TMPRSS15: variants seen among roughly 807,000 people sequenced by gnomAD.
TMPRSS15 encodes enteropeptidase.
TMPRSS15 carries 128 observed loss-of-function variants against 125.3 expected under a neutral mutation model. The ratio of observed to expected loss-of-function variants is 1.02; its 90% confidence interval spans 0.89 to 1.18. The LOEUF (loss-of-function observed/expected upper bound fraction) is 1.18. Among genes scored for constraint, TMPRSS15 ranks in the 50% most tolerant of loss-of-function variants. The pLI is 0.00. For synonymous variants in TMPRSS15, 446 were observed against 423.2 expected (o/e 1.05, Z -0.66); for missense variants, 1,283 against 1,212.7 (o/e 1.06, Z -0.86).
At position 18,448,590 on chromosome 21, in the gene TMPRSS15, T is replaced by A. The variant is rs1027592036; in HGVS notation, c.10+37209A>T. ...TTTCCTTTTATTTAGTTGGATTTTT[T>A]AAAATAGAAATATTCTAAGCACAGA... On this transcript the variant is annotated intron_variant, in intron 1 of 7. Coordinates refer to the TMPRSS15 transcript ENST00000422787. 2.0e-5 allele frequency among the ~76,000 whole-genome samples: 3 copies of A among 152,162 alleles called. No individual in the cohort carries two copies. In the South Asian group the frequency reaches 6.2e-4, roughly 32 times the overall value.
chr21:18,294,284 T>G lies in TMPRSS15; in HGVS notation c.2472A>C (p.Ala824=), dbSNP rs773278092. The G allele has an allele frequency of 6.2e-7, 1 of 1,614,160 alleles. No homozygotes were observed. Among genetic ancestry groups the G allele is most frequent in the Non-Finnish European group, 8.5e-7 (1 of 1,180,046 alleles). ...ATCACACTCACCCATACACGCAGTG[T>G]GCGGCGGACACCAGCCAGTCACTGC... is the stretch of plus-strand genomic sequence containing the variant. ...LVSSDWLVSA[A]HCVYGRNLEP... is the part of the protein sequence containing the mutation. Residue 824 remains alanine (A), a synonymous_variant, in exon 21 of 25, where the codon GCA becomes GCC. Transcript: ENST00000284885.
At chr21:18,344,163 T>C in intron 10 of TMPRSS15, 103 bp from the exon 11 acceptor site, 1 of 965,284 alleles carries the variant, frequency 1.0e-6, no homozygotes, top group Non-Finnish European at 1.6e-6. Context: ...AGAAGAAAGG[T>C]TAAGGAAATA....
intron 18 of TMPRSS15, 52 bp from the exon 19 acceptor site, chr21:18,297,881 A>T (rs2074925331): frequency 2.9e-6 from 4 of 1,394,592 alleles, no homozygotes; most frequent in Non-Finnish European, 4.1e-6. Flanking sequence ...TAAAGAAAAG[A>T]CCATAAGTTA....
At chr21:18,452,242 T>C (rs912439788) in intron 1 of TMPRSS15, among the ~76,000 whole-genome samples, 3 of 152,196 alleles carry the variant, frequency 2.0e-5, no homozygotes, top group Non-Finnish European at 4.4e-5. Flanking sequence ...TATAATTTCA[T>C]AAGCATGGTT....
At chr21:18,481,942 T>C (rs1601478587) in intron 1 of TMPRSS15, among the ~76,000 whole-genome samples, 1 of 151,804 alleles carries the variant, frequency 6.6e-6, no homozygotes, top group South Asian at 2.1e-4. Context: ...AATATTTGTT[T>C]CATAGATTCA....
At chr21:18,295,917 C>T (rs748030063) in intron 19 of TMPRSS15, among the ~76,000 whole-genome samples, 2 of 152,100 alleles carry the variant, frequency 1.3e-5, no homozygotes, top group African/African-American at 4.8e-5. Context: ...CTTTGGGAGG[C>T]GGAGGCGGGC....
At chr21:18,321,566 A>T (rs1278051688) in intron 16 of TMPRSS15, among the ~76,000 whole-genome samples, 2 of 151,998 alleles carry the variant, frequency 1.3e-5, no homozygotes, top group Non-Finnish European at 2.9e-5. Flanking sequence ...GTTAGCCAGG[A>T]TGGTCTCAAT....
intron 18 of TMPRSS15, among the ~76,000 whole-genome samples, chr21:18,301,220 T>A (rs2074968975): frequency 6.6e-6 from 1 of 152,200 alleles, no homozygotes; most frequent in South Asian, 2.1e-4. Flanking sequence ...GTTCTACATG[T>A]TAAATTTGGG....
At chr21:18,364,953 C>T (rs550551540) in intron 7 of TMPRSS15, among the ~76,000 whole-genome samples, 187 bp downstream of exon 7, 2 of 152,292 alleles carry the variant, frequency 1.3e-5, no homozygotes, top group Middle Eastern at 3.4e-3. Context: ...TTGTTCATAG[C>T]ACAGAATAGC....
chr21:18,294,543 ACT>A, intron 20 of TMPRSS15, 58 bp downstream of exon 20: 1 of 1,603,190 alleles, frequency 6.2e-7, no homozygotes, highest in African/African-American at 1.3e-5. Context: ...GTGACATAAA[ACT>A]CTATTCAGAA....
intron 10 of TMPRSS15, among the ~76,000 whole-genome samples, chr21:18,344,733 G>C (rs867732942): frequency 9.2e-5 from 14 of 152,314 alleles, no homozygotes; most frequent in Middle Eastern, 6.8e-3. Flanking sequence ...TGAAGTTTGT[G>C]AAGGGTTGTT....
At chr21:18,281,959 T>C (rs775161508) in intron 21 of TMPRSS15, among the ~76,000 whole-genome samples, 1 of 151,102 alleles carries the variant, frequency 6.6e-6, no homozygotes, top group Non-Finnish European at 1.5e-5. Flanking sequence ...CAGCCGGGCG[T>C]GGTGGTGGGC....
intron 7 of TMPRSS15, among the ~76,000 whole-genome samples, chr21:18,361,512 C>G (rs1338649567): frequency 6.6e-6 from 1 of 152,078 alleles, no homozygotes; most frequent in Non-Finnish European, 1.5e-5. Context: ...ATGGAGGATA[C>G]TGAGTGAACA....
At chr21:18,386,173 T>C (rs941975851) in intron 3 of TMPRSS15, among the ~76,000 whole-genome samples, 2 of 152,210 alleles carry the variant, frequency 1.3e-5, no homozygotes, top group Admixed American at 6.5e-5. Context: ...ACTCTATTTT[T>C]GAAGCTGAAT....
At chr21:18,456,484 TCAATTGAACTA>T (rs1978443541) in intron 1 of TMPRSS15, among the ~76,000 whole-genome samples, 1 of 152,114 alleles carries the variant, frequency 6.6e-6, no homozygotes. Flanking sequence ...TCAGGACATT[TCAATTGAACTA>T]CAAGTTTTAG....
At chr21:18,304,983 A>G (rs2075015009) in intron 18 of TMPRSS15, among the ~76,000 whole-genome samples, 1 of 152,082 alleles carries the variant, frequency 6.6e-6, no homozygotes, top group African/African-American at 2.4e-5. Context: ...AGATTCTCCA[A>G]ATTAAGTTTC....
chr21:18,435,864 G>T (rs1444470428), intron 1 of TMPRSS15, among the ~76,000 whole-genome samples: 1 of 152,170 alleles, frequency 6.6e-6, no homozygotes, highest in East Asian at 1.9e-4. Context: ...TCTTGGGAGA[G>T]TGTATGTGTC....
At chr21:18,392,769 G>A (rs1359201985) in intron 3 of TMPRSS15, among the ~76,000 whole-genome samples, 1 of 152,166 alleles carries the variant, frequency 6.6e-6, no homozygotes, top group Non-Finnish European at 1.5e-5. Flanking sequence ...GAGGCCTCAG[G>A]AAACTTAAAA....
intron 3 of TMPRSS15, among the ~76,000 whole-genome samples, chr21:18,396,851 T>TATCTATC (rs1555909744): frequency 2.7e-5 from 4 of 150,350 alleles, no homozygotes; most frequent in Non-Finnish European, 4.4e-5. Context: ...TCTATCTATC[T>TATCTATC]TAAGTCACAA....
Sources: gnomAD v4.1 joint callset for allele counts (sites outside exome capture counted in the v4.1 genomes callset) on GRCh38, gnomAD v4.1.1 for gene constraint, MANE v1.5 for transcripts, NCBI Gene and HGNC (gene_info 2026-07-23, HGNC 2026-07-21) for gene names.